The following FCHSD2 variants were observed in gnomAD, a reference collection of about 807,000 sequenced individuals.
FCHSD2 encodes F-BAR and double SH3 domains protein 2.
FCHSD2 carries 38 observed loss-of-function variants against 108.1 expected under a neutral mutation model. The ratio of observed to expected loss-of-function variants is 0.35; its 90% CI spans 0.27 to 0.46. The LOEUF (loss-of-function observed/expected upper bound fraction) is 0.46, where lower values mean the gene tolerates loss of function less well. Ranked by LOEUF, FCHSD2 falls within the 20% of genes least tolerant of loss-of-function variation. FCHSD2 has a pLI of 1.00. For missense variants in FCHSD2, 751 were observed against 897.8 expected, an observed-to-expected ratio of 0.84 and a Z score of 2.09; for synonymous variants, 279 against 314.7, an observed-to-expected ratio of 0.89 and a Z score of 1.20.
intron 13 of FCHSD2, among the ~76,000 whole-genome samples, chr11:72,855,482 A>G (rs1373620303): frequency 1.3e-5 from 2 of 152,180 alleles, no homozygotes; most frequent in Non-Finnish European, 2.9e-5. Context: ...TCTCAAAAAA[A>G]AAAGAGTTCT....
chr11:73,046,077 A>T (rs1380742675), intron 3 of FCHSD2, among the ~76,000 whole-genome samples: 1 of 151,526 alleles, frequency 6.6e-6, no homozygotes, highest in African/African-American at 2.4e-5. Context: ...TGCCACTTCG[A>T]ATTACTGGAC....
chr11:72,966,079 G>C (rs1168837098), intron 8 of FCHSD2, among the ~76,000 whole-genome samples: 2 of 151,830 alleles, frequency 1.3e-5, no homozygotes, highest in South Asian at 2.1e-4. Context: ...AAAAGCATGG[G>C]AACATTTAAT....
intron 3 of FCHSD2, among the ~76,000 whole-genome samples, chr11:73,056,501 G>T (rs1859028816): frequency 6.6e-6 from 1 of 152,268 alleles, no homozygotes; most frequent in East Asian, 1.9e-4. Context: ...AGGTACATTT[G>T]TCTCTTCAAC....
intron 13 of FCHSD2, among the ~76,000 whole-genome samples, chr11:72,852,587 C>T (rs1305535557): frequency 6.6e-6 from 1 of 151,882 alleles, no homozygotes; most frequent in Non-Finnish European, 1.5e-5. Flanking sequence ...TTGCTTGAAC[C>T]TGGGAGGTGA....
At chr11:73,134,618 G>C (rs2135575496) in intron 2 of FCHSD2, among the ~76,000 whole-genome samples, 1 of 152,350 alleles carries the variant, frequency 6.6e-6, no homozygotes, top group African/African-American at 2.4e-5. Flanking sequence ...GCAAAGGCAG[G>C]ACAGGTGCTT....
intron 3 of FCHSD2, among the ~76,000 whole-genome samples, chr11:73,031,992 T>A (rs1858372109): frequency 6.6e-6 from 1 of 152,188 alleles, no homozygotes; most frequent in Non-Finnish European, 1.5e-5. Context: ...CAAGAGGAAC[T>A]ATTAACTAAA....
chr11:72,945,004 C>T (rs1856491342), intron 8 of FCHSD2, among the ~76,000 whole-genome samples: 1 of 152,144 alleles, frequency 6.6e-6, no homozygotes, highest in Non-Finnish European at 1.5e-5. Context: ...CAATGCCATC[C>T]TCATCAAGCT....
chr11:72,971,065 C>T (rs535571105), intron 8 of FCHSD2, among the ~76,000 whole-genome samples: 5 of 152,210 alleles, frequency 3.3e-5, no homozygotes, highest in African/African-American at 1.2e-4. Context: ...CCCTACTGAC[C>T]CCCCTGCCCA....
intron 9 of FCHSD2, among the ~76,000 whole-genome samples, chr11:72,911,589 T>G (rs1855764946): frequency 6.6e-6 from 1 of 152,220 alleles, no homozygotes; most frequent in Non-Finnish European, 1.5e-5. Context: ...ATTGACATTT[T>G]AAGAATATTT....
intron 2 of FCHSD2, among the ~76,000 whole-genome samples, chr11:73,120,440 T>C (rs1020063392): frequency 6.6e-6 from 1 of 152,116 alleles, no homozygotes; most frequent in Admixed American, 6.6e-5. Flanking sequence ...CAGAAACATA[T>C]GAAGATAGGC....
intron 2 of FCHSD2, among the ~76,000 whole-genome samples, chr11:73,131,021 T>A (rs993146784): frequency 5.9e-5 from 9 of 152,176 alleles, no homozygotes; most frequent in Admixed American, 4.6e-4. Flanking sequence ...ACTATGATTG[T>A]TGAATGAATT....
At chr11:72,980,152 A>C (rs1401952309) in intron 8 of FCHSD2, among the ~76,000 whole-genome samples, 4 of 152,210 alleles carry the variant, frequency 2.6e-5, no homozygotes, top group African/African-American at 9.6e-5. Flanking sequence ...TCTGTAAATT[A>C]GGAAGAAAAC....
chr11:72,885,163 C>T (rs1349437355), intron 12 of FCHSD2, among the ~76,000 whole-genome samples: 2 of 152,100 alleles, frequency 1.3e-5, no homozygotes, highest in Non-Finnish European at 2.9e-5. Flanking sequence ...AGTACTACCC[C>T]AATAAATATG....
Position 72,892,681 on chromosome 11 carries a change from T to C in FCHSD2, c.925-2736A>G, listed in dbSNP as rs569463830. Among the ~76,000 whole-genome samples the C allele has an allele frequency of 4.1e-4, 62 of 152,234 alleles. 1 individual carries two copies. The highest frequency in any genetic ancestry group is 3.9e-3 in the Admixed American group (60 of 15,296). ...GTGCAGTGGCATGATCTCAGCTCAG[T>C]GCAACCTCCACCTCCTGGGTTCAAG... is the stretch of plus-strand genomic sequence containing the variant. On this transcript the variant is annotated intron_variant, in intron 10 of 19. Coordinates refer to ENST00000409418, the MANE Select transcript of FCHSD2 (RefSeq NM_014824.3).
intron 3 of FCHSD2, among the ~76,000 whole-genome samples, chr11:73,075,057 C>G (rs578215301): frequency 6.6e-6 from 1 of 152,270 alleles, no homozygotes; most frequent in East Asian, 1.9e-4. Flanking sequence ...AAAAGTTCCT[C>G]TAATTCATTA....
intron 13 of FCHSD2, among the ~76,000 whole-genome samples, chr11:72,859,319 G>C (rs1203944610): frequency 6.6e-6 from 1 of 152,176 alleles, no homozygotes; most frequent in African/African-American, 2.4e-5. Flanking sequence ...GTATATGCAA[G>C]CTATGTAAGC....
At chr11:72,861,722 G>A (rs1861580809) in intron 13 of FCHSD2, among the ~76,000 whole-genome samples, 1 of 152,086 alleles carries the variant, frequency 6.6e-6, no homozygotes, top group Non-Finnish European at 1.5e-5. Flanking sequence ...CTGAGGTCGG[G>A]AGTTCAAGAC....
At chr11:73,130,787 G>A (rs568533480) in intron 2 of FCHSD2, among the ~76,000 whole-genome samples, 1 of 152,138 alleles carries the variant, frequency 6.6e-6, no homozygotes, top group Non-Finnish European at 1.5e-5. Flanking sequence ...TAATATGGAA[G>A]TATATATTTA....
At chr11:73,043,090 C>T (rs1254111171) in intron 3 of FCHSD2, among the ~76,000 whole-genome samples, 1 of 152,196 alleles carries the variant, frequency 6.6e-6, no homozygotes, top group Non-Finnish European at 1.5e-5. Context: ...TGCCACAACG[C>T]TGAATAGGAG....
Sources: gnomAD v4.1 joint callset for allele counts (sites outside exome capture counted in the v4.1 genomes callset) on GRCh38, gnomAD v4.1.1 for gene constraint, MANE v1.5 for transcripts, NCBI Gene and HGNC (gene_info 2026-07-23, HGNC 2026-07-21) for gene names.